The following MYO1H variants were observed in gnomAD, a reference collection of about 807,000 sequenced individuals.
MYO1H encodes the protein unconventional myosin-Ih.
A neutral mutation model predicts 149.3 loss-of-function variants in MYO1H; 118 were observed. The observed-to-expected ratio is 0.79, with a 90% CI of 0.68 to 0.92. MYO1H has a LOEUF of 0.92. MYO1H is among the 40% of genes least tolerant of loss of function. The pLI is 0.00. For synonymous variants in MYO1H, 447 were observed against 465.2 expected, an observed-to-expected ratio of 0.96 and a Z score of 0.50; for missense variants, 1,212 against 1,280.7, an observed-to-expected ratio of 0.95 and a Z score of 0.82.
intron 1 of MYO1H, among the ~76,000 whole-genome samples, chr12:109,380,550 T>C (rs1021678023): frequency 6.6e-6 from 1 of 152,206 alleles, no homozygotes; most frequent in South Asian, 2.1e-4. Context: ...GTTGGTATTA[T>C]TATTTTGAGA....
exon 28 of MYO1H, chr12:109,443,577 C>T: frequency 2.5e-6 from 4 of 1,613,794 alleles, no homozygotes; most frequent in Non-Finnish European, 3.4e-6. Flanking sequence ...GCAACTCATT[C>T]TTACTCAGAA....
chr12:109,402,157 A>G (rs1870194063), intron 6 of MYO1H, among the ~76,000 whole-genome samples: 1 of 152,238 alleles, frequency 6.6e-6, no homozygotes, highest in Non-Finnish European at 1.5e-5. Flanking sequence ...CCTAGAGTCT[A>G]GTGTTATAAA....
intron 15 of MYO1H, among the ~76,000 whole-genome samples, chr12:109,417,094 C>T (rs549892012): frequency 7.9e-5 from 12 of 152,064 alleles, no homozygotes; most frequent in South Asian, 2.1e-4. Flanking sequence ...TTGCTTGAAC[C>T]GGGGAGGCAG....
the MYO1H span, among the ~76,000 whole-genome samples, chr12:109,311,846 C>A: frequency 2.6e-5 from 4 of 152,176 alleles, no homozygotes; most frequent in Admixed American, 2.6e-4. Context: ...TCCGATTATA[C>A]AAGAAATCTT....
chr12:109,426,735 A>G (rs1871365253), intron 18 of MYO1H, among the ~76,000 whole-genome samples: 1 of 152,116 alleles, frequency 6.6e-6, no homozygotes, highest in Non-Finnish European at 1.5e-5. Context: ...ATGGTCTATA[A>G]TATAGTTGTT....
At chr12:109,337,070 G>C in the MYO1H span, among the ~76,000 whole-genome samples, 3 of 152,164 alleles carry the variant, frequency 2.0e-5, no homozygotes, top group Non-Finnish European at 2.9e-5. Flanking sequence ...CTTCCAGCTG[G>C]AACACAGTCG....
Position 109,393,661 on chromosome 12 carries a change from A to G in MYO1H, c.290+215A>G, listed in dbSNP as rs368866211. On this transcript the variant is annotated intron_variant, in intron 3 of 31. Transcript: ENST00000310903. ...CATCCATCCGCCTATCCATCCATCCATTTACCTATCCATCCACCTACCTAT... is the reference window on the plus strand; with the variant it reads ...CATCCATCCGCCTATCCATCCATCCGTTTACCTATCCATCCACCTACCTAT... 5.3e-5 allele frequency among the ~76,000 whole-genome samples: 8 copies of G among 151,710 alleles called. No individual in the cohort carries two copies. The East Asian group carries it at 9.7e-4, about 18-fold the overall frequency.
At chr12:109,414,607 C>T (rs772707845) in intron 14 of MYO1H, among the ~76,000 whole-genome samples, 2 of 151,972 alleles carry the variant, frequency 1.3e-5, no homozygotes, top group African/African-American at 4.8e-5. Context: ...TGTTACATCA[C>T]CTAGAAAAAC....
chr12:109,323,307 A>G, the MYO1H span, among the ~76,000 whole-genome samples: 150 of 152,224 alleles, frequency 9.9e-4, 1 homozygote, highest in Admixed American at 2.6e-3. Context: ...TGTAATACAC[A>G]TTGAAAGATG....
intron 1 of MYO1H, among the ~76,000 whole-genome samples, chr12:109,380,027 G>A (rs533263013): frequency 5.1e-4 from 77 of 151,606 alleles, no homozygotes; most frequent in Non-Finnish European, 6.8e-4. Context: ...CACCACGCCC[G>A]GCCAGCAATT....
chr12:109,318,937 C>G, the MYO1H span, among the ~76,000 whole-genome samples: 1 of 125,260 alleles, frequency 8.0e-6, no homozygotes, highest in Admixed American at 8.9e-5. Context: ...AAATCAGGTG[C>G]GAGGCATTTG....
the MYO1H span, among the ~76,000 whole-genome samples, chr12:109,317,471 C>T: frequency 1.3e-5 from 2 of 152,198 alleles, no homozygotes; most frequent in African/African-American, 2.4e-5. Context: ...TGAGAAATAA[C>T]TTTGCAGTCA....
Position 109,438,954 on chromosome 12 carries a change from C to T in MYO1H, c.2294+334C>T, listed in dbSNP as rs567704629. Among the ~76,000 whole-genome samples the T allele has an allele frequency of 3.9e-5, 6 of 152,338 alleles. No individual in the cohort carries two copies. The South Asian group carries it at 1.2e-3, about 32-fold the overall frequency. ...AGACCAGCAAACTGGAACGCTCAGT[C>T]TACCTCAAGGTGGGGCGGTAACTAG... On this transcript the variant is annotated intron_variant, in intron 23 of 31. Coordinates refer to ENST00000310903, the Ensembl canonical transcript of MYO1H.
intron 1 of MYO1H, among the ~76,000 whole-genome samples, chr12:109,376,756 T>C (rs947196021): frequency 1.3e-5 from 2 of 152,248 alleles, no homozygotes; most frequent in African/African-American, 2.4e-5. Context: ...AGCTGTTCTG[T>C]ATACAGATTA....
chr12:109,330,850 G>A, the MYO1H span, among the ~76,000 whole-genome samples: 43 of 152,108 alleles, frequency 2.8e-4, no homozygotes, highest in African/African-American at 9.6e-4. Context: ...TACAGTTGTC[G>A]TCTTGTGTCG....
chr12:109,391,244 C>T (rs1423534846), intron 2 of MYO1H, among the ~76,000 whole-genome samples: 3 of 151,920 alleles, frequency 2.0e-5, no homozygotes, highest in Non-Finnish European at 4.4e-5. Context: ...CGCAACAAGC[C>T]CCAATGGGTG....
At chr12:109,405,373 C>G (rs1870331005) in intron 7 of MYO1H, among the ~76,000 whole-genome samples, 1 of 152,162 alleles carries the variant, frequency 6.6e-6, no homozygotes, top group African/African-American at 2.4e-5. Flanking sequence ...TACAATGGCG[C>G]TATCTTGGCT....
intron 16 of MYO1H, among the ~76,000 whole-genome samples, chr12:109,423,666 T>C (rs981672237): frequency 6.6e-6 from 1 of 152,236 alleles, no homozygotes; most frequent in Non-Finnish European, 1.5e-5. Flanking sequence ...AGGGACCTTA[T>C]ATGAGTGGAA....
At chr12:109,419,873 TA>T (rs10533849) in intron 15 of MYO1H, among the ~76,000 whole-genome samples, 29,120 of 144,950 alleles carry the variant, frequency 0.2, 3,417 homozygotes, top group African/African-American at 0.34. Context: ...TCCCCCAACT[TA>T]AAAAAAAAAA....
Sources: allele counts gnomAD v4.1 joint callset (sites outside exome capture counted in the v4.1 genomes callset), GRCh38; gene constraint gnomAD v4.1.1; transcripts MANE v1.5; gene names NCBI Gene and HGNC (gene_info 2026-07-23, HGNC 2026-07-21).